The following MAD2L2 variants were observed in gnomAD, a reference collection of about 807,000 sequenced individuals.
The protein encoded by MAD2L2 is mitotic arrest deficient 2 like 2, also known as mitotic spindle assembly checkpoint protein MAD2B.
MAD2L2 carries 17 observed loss-of-function variants against 30.5 expected under a neutral mutation model. The ratio of observed to expected loss-of-function variants is 0.56; its 90% confidence interval spans 0.38 to 0.84. The LOEUF (loss-of-function observed/expected upper bound fraction) is 0.84. Ranked by LOEUF, MAD2L2 falls within the 40% of genes least tolerant of loss-of-function variation. The pLI is 0.00. For synonymous variants in MAD2L2, 101 were observed against 113.9 expected (o/e 0.89, Z 0.72); for missense variants, 213 against 277.4 (o/e 0.77, Z 1.65).
At chr1:11,684,040 G>A (rs561972250), upstream of MAD2L2, among the ~76,000 whole-genome samples, 5 of 152,254 alleles carry the variant, frequency 3.3e-5, no homozygotes, top group Non-Finnish European at 2.9e-5. Context: ...AAGGAAGGTG[G>A]GTTAGGAAGC....
chr1:11,675,519 G>C, intron 7 of MAD2L2, 139 bp downstream of exon 7: 1 of 839,398 alleles, frequency 1.2e-6, no homozygotes, highest in South Asian at 1.5e-5. Context: ...CAGTGGACAG[G>C]CCTGAGGACC....
At chr1:11,676,219 G>A (rs1354925868) in intron 5 of MAD2L2, 79 bp from the exon 6 acceptor site, 3 of 908,274 alleles carry the variant, frequency 3.3e-6, no homozygotes, top group Admixed American at 2.4e-5. Context: ...TGCAGACCTG[G>A]GGTACAAGAC....
chr1:11,688,574 A>T lies in MAD2L2; in HGVS notation c.-692+2839T>A, dbSNP rs78228745. ...AGACTGCATCTCAAAAAAAAAAAAG[A>T]AAAAGCAATCAGCAAACCTGCTAAA... On this transcript the variant is annotated intron_variant, in intron 1 of 10. Transcript: ENST00000235310. The surrounding 1 kb of genome is among the most constrained non-coding windows in gnomAD (Gnocchi z 4.6). Among the ~76,000 whole-genome samples the T allele has an allele frequency of 0.15, 22,727 of 151,782 alleles. 1,883 individuals carry two copies. The highest frequency in any genetic ancestry group is 0.21 in the South Asian group (1,001 of 4,812).
intron 6 of MAD2L2, 31 bp from the exon 7 acceptor site, chr1:11,675,762 C>A: frequency 1.9e-6 from 3 of 1,570,144 alleles, no homozygotes; most frequent in South Asian, 1.1e-5. Flanking sequence ...TGGAGGCTCC[C>A]CCACCGCCCT....
Position 11,687,716 on chromosome 1 carries a change from T to A in MAD2L2, c.-692+3697A>T, listed in dbSNP as rs2100720548. 6.6e-6 allele frequency among the ~76,000 whole-genome samples: 1 copy of A among 152,364 alleles called. No homozygotes were observed. The highest frequency in any genetic ancestry group is 2.1e-4 in the South Asian group (1 of 4,834). ...GGAACATTCCATATAAAAGTAATTG[T>A]ACAAAATATGGTCTTTTATGTCTGG... On this transcript the variant is annotated intron_variant, in intron 1 of 10. Transcript: ENST00000235310. This position sits in a 1 kb window ranked among gnomAD's most constrained non-coding sequence, Gnocchi z 4.1.
At chr1:11,689,776 G>A (rs1314378452) in intron 1 of MAD2L2, among the ~76,000 whole-genome samples, 2 of 151,806 alleles carry the variant, frequency 1.3e-5, no homozygotes, top group African/African-American at 2.4e-5. Context: ...CTATGGACTC[G>A]CCCTGAATTA....
At chr1:11,684,285 TG>T (rs1325726442), upstream of MAD2L2, among the ~76,000 whole-genome samples, 1 of 152,212 alleles carries the variant, frequency 6.6e-6, no homozygotes, top group East Asian at 1.9e-4. Flanking sequence ...CGCATCAGCA[TG>T]ATGGATGGTT....
chr1:11,677,472 T>C (rs746257261), intron 4 of MAD2L2, 71 bp downstream of exon 4: 9 of 1,430,624 alleles, frequency 6.3e-6, no homozygotes. Flanking sequence ...CATCCCAGAG[T>C]TGGACTGTGA....
At chr1:11,686,807 T>TAAAAAAAAAAAAAAAAAAAAAA (rs560855200) in intron 1 of MAD2L2, among the ~76,000 whole-genome samples, 1 of 104,490 alleles carries the variant, frequency 9.6e-6, no homozygotes, top group Non-Finnish European at 1.9e-5. Context: ...ACTGCCACTT[T>TAAAAAAAAAAAAAAAAAAAAAA]AAAAAAAAAA....
intron 7 of MAD2L2, 54 bp from the exon 8 acceptor site, chr1:11,675,228 T>C (rs1640740721): frequency 7.9e-7 from 1 of 1,271,220 alleles, no homozygotes; most frequent in African/African-American, 1.5e-5. Flanking sequence ...TGGCCTGCCC[T>C]CACTTTGCTG....
chr1:11,677,532 T>TGC lies in MAD2L2; in HGVS notation c.231+9_231+10dup, dbSNP rs1203218386. The TGC allele has an allele frequency of 6.2e-7, 1 of 1,613,218 alleles. No homozygotes were observed. The highest frequency in any genetic ancestry group is 1.3e-5 in the African/African-American group (1 of 74,922). On this transcript the variant is annotated intron_variant, in intron 4 of 8. Coordinates refer to ENST00000376692, the MANE Select transcript of MAD2L2 (RefSeq NM_006341.4). Reference sequence around the variant, plus strand: ...GGGGTGAGATGGCTGGGGAGCCCAGTGCACCCTCACCTTCTCCAGGAGTGG... The same window carrying TGC: ...GGGGTGAGATGGCTGGGGAGCCCAGTGCGCACCCTCACCTTCTCCAGGAGTGG...
At chr1:11,686,003 A>G (rs558601621), upstream of MAD2L2, among the ~76,000 whole-genome samples, 2 of 152,208 alleles carry the variant, frequency 1.3e-5, no homozygotes, top group Non-Finnish European at 2.9e-5. Context: ...TAAATGCTCA[A>G]TTAATGACTG....
chr1:11,680,827 C>T (rs1640862143), intron 1 of MAD2L2: 9 of 1,263,750 alleles, frequency 7.1e-6, no homozygotes, highest in Non-Finnish European at 9.0e-6. Flanking sequence ...CCCGCGCCCC[C>T]TCGCCCCGCT....
upstream of MAD2L2, among the ~76,000 whole-genome samples, chr1:11,684,321 G>A (rs1241428527): frequency 6.6e-6 from 1 of 152,182 alleles, no homozygotes; most frequent in Non-Finnish European, 1.5e-5. Flanking sequence ...ACATTATGGG[G>A]TTAATTTATT....
upstream of MAD2L2, among the ~76,000 whole-genome samples, chr1:11,683,311 G>A (rs1640907171): frequency 6.6e-6 from 1 of 152,156 alleles, no homozygotes; most frequent in Admixed American, 6.5e-5. Context: ...AAAAACCTTG[G>A]AGGACATAAA....
chr1:11,675,648 C>A lies in MAD2L2; in HGVS notation c.501+10G>T, dbSNP rs1189463377. On this transcript the variant is annotated intron_variant, in intron 7 of 8. Coordinates refer to ENST00000376692, the MANE Select transcript of MAD2L2 (RefSeq NM_006341.4). The stretch of plus-strand genomic sequence containing the variant: ...AGCCTGCGCCCAGACCCAGACCCAT[C>A]TCATCTCACCTTGATGACCTGGATC... The A allele has an allele frequency of 3.7e-6, 6 of 1,613,628 alleles. No homozygotes were observed. Among genetic ancestry groups the A allele is most frequent in the Non-Finnish European group, 5.1e-6 (6 of 1,179,518 alleles).
chr1:11,674,969 C>T lies in MAD2L2; in HGVS notation c.594+113G>A. 1 of 1,263,620 alleles carries T rather than the reference C, an allele frequency of 7.9e-7. No individual in the cohort carries two copies. The highest frequency in any genetic ancestry group is 1.9e-5 in the Admixed American group (1 of 51,894). The allele number at this position is 1,263,620 out of a possible 1,614,324, so 78.3% of individuals were successfully genotyped here. ...AAGAGTAGAGATGGGAGGAGCCCTCCACCAGGCACTCCCCCGTTCTCTCCC... is the reference window on the plus strand; with the variant it reads ...AAGAGTAGAGATGGGAGGAGCCCTCTACCAGGCACTCCCCCGTTCTCTCCC... On this transcript the variant is annotated intron_variant, in intron 8 of 8. Transcript: ENST00000376692. The surrounding 1 kb of genome is among the most constrained non-coding windows in gnomAD (Gnocchi z 6.1).
At position 11,674,969 on chromosome 1, in the gene MAD2L2, C is replaced by A; in HGVS notation, c.594+113G>T. On this transcript the variant is annotated intron_variant, in intron 8 of 8. Coordinates refer to ENST00000376692, the MANE Select transcript of MAD2L2 (RefSeq NM_006341.4). The surrounding 1 kb of genome is among the most constrained non-coding windows in gnomAD (Gnocchi z 6.1). ...AAGAGTAGAGATGGGAGGAGCCCTC[C>A]ACCAGGCACTCCCCCGTTCTCTCCC... is the stretch of plus-strand genomic sequence containing the variant. 1 of 1,263,618 alleles carries A rather than the reference C, an allele frequency of 7.9e-7. No individual in the cohort carries two copies. Among genetic ancestry groups the A allele is most frequent in the Non-Finnish European group, 1.1e-6 (1 of 885,436 alleles). 78.3% of individuals were successfully genotyped at this position (1,263,618 alleles called of 1,614,324 possible).
intron 1 of MAD2L2, among the ~76,000 whole-genome samples, chr1:11,686,699 G>A (rs183774563): frequency 1.3e-4 from 19 of 151,474 alleles, no homozygotes; most frequent in Admixed American, 2.0e-4. Flanking sequence ...CACTGCGCCC[G>A]GCCCAGAGAC....
Sources: gnomAD v4.1 joint callset for allele counts (sites outside exome capture counted in the v4.1 genomes callset) on GRCh38, gnomAD v4.1.1 for gene constraint, Gnocchi (gnomAD v3.1) non-coding constraint, MANE v1.5 for transcripts, NCBI Gene and HGNC (gene_info 2026-07-23, HGNC 2026-07-21) for gene names.